SLC8A1: variants seen among roughly 807,000 people sequenced by gnomAD.
The protein encoded by SLC8A1 is solute carrier family 8 member A1.
Under a neutral mutation model 68.3 loss-of-function variants are expected in SLC8A1, and 18 were observed. That is an observed-to-expected ratio of 0.26 (90% confidence interval 0.18 to 0.39). SLC8A1 has a LOEUF of 0.39. Among genes scored for constraint, SLC8A1 ranks in the 10% least tolerant of loss-of-function variants. SLC8A1 has a pLI of 1.00. For synonymous variants in SLC8A1, 475 were observed against 415.5 expected, an observed-to-expected ratio of 1.14 and a Z score of -1.74; for missense variants, 985 against 1,156.7, an observed-to-expected ratio of 0.85 and a Z score of 2.15.
At chr2:40,128,837 A>C (rs932339997) in intron 7 of SLC8A1, among the ~76,000 whole-genome samples, 1 of 152,254 alleles carries the variant, frequency 6.6e-6, no homozygotes, top group African/African-American at 2.4e-5. Flanking sequence ...AATAATTTCA[A>C]AATCTTACAG....
At chr2:40,422,086 G>T (rs899279802) in intron 2 of SLC8A1, among the ~76,000 whole-genome samples, 1 of 151,850 alleles carries the variant, frequency 6.6e-6, no homozygotes, top group Admixed American at 6.6e-5. Flanking sequence ...ACCCTCAGCG[G>T]GCTCACCCAA....
intron 2 of SLC8A1, among the ~76,000 whole-genome samples, chr2:40,394,572 T>C (rs935346345): frequency 6.6e-6 from 1 of 152,068 alleles, no homozygotes; most frequent in Non-Finnish European, 1.5e-5. Flanking sequence ...ACAGAGCATA[T>C]AGTGGATGCC....
chr2:40,269,339 C>G (rs1048492562), intron 2 of SLC8A1, among the ~76,000 whole-genome samples: 1 of 152,172 alleles, frequency 6.6e-6, no homozygotes, highest in Non-Finnish European at 1.5e-5. Flanking sequence ...TCTTACAGTA[C>G]ACTGCTTATT....
At chr2:40,311,919 A>G (rs188091785) in intron 2 of SLC8A1, among the ~76,000 whole-genome samples, 94 of 152,282 alleles carry the variant, frequency 6.2e-4, no homozygotes, top group Non-Finnish European at 9.1e-4. Flanking sequence ...CATCAAATAT[A>G]AACCAGTACA....
intron 1 of SLC8A1, among the ~76,000 whole-genome samples, chr2:40,463,438 T>C (rs777130301): frequency 1.8e-4 from 27 of 152,230 alleles, no homozygotes; most frequent in Admixed American, 2.0e-4. Flanking sequence ...ATCTGCTTCA[T>C]TCTAAAGAAT....
intron 2 of SLC8A1, among the ~76,000 whole-genome samples, chr2:40,230,613 A>C (rs755910693): frequency 6.6e-6 from 1 of 152,206 alleles, no homozygotes; most frequent in Non-Finnish European, 1.5e-5. Flanking sequence ...AAATGCTACT[A>C]TGTGATCAGT....
intron 6 of SLC8A1, among the ~76,000 whole-genome samples, chr2:40,145,457 G>A (rs2042283426): frequency 6.6e-6 from 1 of 152,170 alleles, no homozygotes; most frequent in South Asian, 2.1e-4. Flanking sequence ...TCTGGAAAAT[G>A]TATGCTGCTG....
chr2:40,206,620 A>T (rs538553407), intron 2 of SLC8A1, among the ~76,000 whole-genome samples: 1 of 152,198 alleles, frequency 6.6e-6, no homozygotes, highest in South Asian at 2.1e-4. Flanking sequence ...CAAATGATCC[A>T]AACACTTCCT....
At chr2:40,426,508 C>A (rs780164390) in intron 2 of SLC8A1, among the ~76,000 whole-genome samples, 2 of 151,930 alleles carry the variant, frequency 1.3e-5, no homozygotes, top group Non-Finnish European at 2.9e-5. Context: ...TTTAAAAATC[C>A]TTTTCCTTAT....
chr2:40,457,227 T>C (rs1703073819), intron 1 of SLC8A1, among the ~76,000 whole-genome samples: 1 of 152,202 alleles, frequency 6.6e-6, no homozygotes, highest in South Asian at 2.1e-4. Flanking sequence ...TCCTCAACAT[T>C]GATTCAAGGA....
chr2:40,116,471 C>T (rs2035425455), intron 7 of SLC8A1, among the ~76,000 whole-genome samples: 1 of 151,990 alleles, frequency 6.6e-6, no homozygotes, highest in Non-Finnish European at 1.5e-5. Context: ...CCAACCCCCA[C>T]CCCACAGCAG....
intron 7 of SLC8A1, among the ~76,000 whole-genome samples, chr2:40,124,633 A>G (rs2373793): frequency 0.17 from 25,898 of 149,526 alleles, 2,276 homozygotes; most frequent in Admixed American, 0.21. Context: ...AAAGTCTACT[A>G]ACTATTTGGC....
intron 2 of SLC8A1, among the ~76,000 whole-genome samples, chr2:40,281,452 A>G (rs1457001085): frequency 1.3e-5 from 2 of 152,242 alleles, no homozygotes; most frequent in Non-Finnish European, 2.9e-5. Context: ...GGCCAACTCT[A>G]TGCAGGCTAT....
At chr2:40,324,029 G>T (rs34478780) in intron 2 of SLC8A1, among the ~76,000 whole-genome samples, 24,250 of 134,616 alleles carry the variant, frequency 0.18, 2,598 homozygotes, top group East Asian at 0.36. Flanking sequence ...AGTTAAAGGT[G>T]GGGGGGGGGC....
chr2:40,321,701 A>G (rs1173082182), intron 2 of SLC8A1, among the ~76,000 whole-genome samples: 3 of 152,020 alleles, frequency 2.0e-5, no homozygotes, highest in East Asian at 1.9e-4. Context: ...TCTTGTGAGA[A>G]CTCACTATCA....
chr2:40,426,029 A>C (rs751173656), intron 2 of SLC8A1, among the ~76,000 whole-genome samples: 13 of 151,990 alleles, frequency 8.6e-5, no homozygotes, highest in African/African-American at 1.7e-4. Flanking sequence ...TTGGTGCTTA[A>C]TTTAAGGTTA....
chr2:40,337,757 ACTATCCTGATGATT>A (rs1666442770), intron 2 of SLC8A1, among the ~76,000 whole-genome samples: 2 of 152,176 alleles, frequency 1.3e-5, no homozygotes, highest in Admixed American at 1.3e-4. Context: ...GGAGAAATAT[ACTATCCTGATGATT>A]CTATGAAGTT....
intron 6 of SLC8A1, among the ~76,000 whole-genome samples, chr2:40,156,459 A>G (rs2044522627): frequency 6.6e-6 from 1 of 151,016 alleles, no homozygotes; most frequent in African/African-American, 2.4e-5. Context: ...AAGTAAAACA[A>G]TTTCAGGAAA....
intron 2 of SLC8A1, among the ~76,000 whole-genome samples, chr2:40,244,223 G>C (rs1042087851): frequency 1.3e-5 from 2 of 152,146 alleles, no homozygotes; most frequent in Non-Finnish European, 2.9e-5. Flanking sequence ...TGCACTCTTG[G>C]TTTAGTGGTG....
Sources: allele counts gnomAD v4.1 joint callset (sites outside exome capture counted in the v4.1 genomes callset), GRCh38; gene constraint gnomAD v4.1.1; transcripts MANE v1.5; gene names NCBI Gene and HGNC (gene_info 2026-07-23, HGNC 2026-07-21).